Variants in EFHC1 observed in about 807,000 individuals in gnomAD.
EFHC1 encodes the protein EF-hand domain containing 1.
A neutral mutation model predicts 69.9 loss-of-function variants in EFHC1; 53 were observed. The ratio of observed to expected loss-of-function variants is 0.76; its 90% confidence interval spans 0.61 to 0.95. The LOEUF (loss-of-function observed/expected upper bound fraction) is 0.95. EFHC1 is among the 40% of genes least tolerant of loss of function. The pLI is 0.00. For missense variants in EFHC1, 739 were observed against 798.7 expected (o/e 0.93, Z 0.90); for synonymous variants, 256 against 278.4 (o/e 0.92, Z 0.80).
At chr6:52,421,470 AT>A (rs1392540036) in intron 1 of EFHC1, among the ~76,000 whole-genome samples, 1 of 151,866 alleles carries the variant, frequency 6.6e-6, no homozygotes, top group East Asian at 1.9e-4. Context: ...AGCTCTTAAA[AT>A]TATTTGGTTT....
At chr6:52,453,560 A>G (rs1205085931) in intron 4 of EFHC1, 3 of 1,281,290 alleles carry the variant, frequency 2.3e-6, no homozygotes, top group Non-Finnish European at 3.0e-6. Context: ...TATCAGTCAT[A>G]TATCTGTTAT....
At chr6:52,483,740 C>T (rs1376254487) in intron 9 of EFHC1, 5 of 152,128 alleles carry the variant, frequency 3.3e-5, no homozygotes, top group East Asian at 1.9e-4. Context: ...GTGTCTGAGC[C>T]GAGCCTCCAG....
intron 2 of EFHC1, among the ~76,000 whole-genome samples, chr6:52,429,174 C>T (rs11759208): frequency 0.14 from 21,035 of 152,050 alleles, 1,814 homozygotes; most frequent in East Asian, 0.45. Flanking sequence ...TTCCTTTTGC[C>T]GTGAAAAAGC....
Position 52,495,292 on chromosome 6 carries a change from G to A in EFHC1, c.*2951G>A, listed in dbSNP as rs1581859098. 2.2e-6 allele frequency: 1 copy of A among 454,088 alleles called. No homozygotes were observed. The highest frequency in any genetic ancestry group is 2.0e-5 in the African/African-American group (1 of 50,114). 28.1% of individuals were successfully genotyped at this position (454,088 alleles called of 1,614,324 possible). ...TATGCTCTCCAAACTCCAGGGGACA[G>A]ACACATGTCAAACCCTGAGTCTTTT... On this transcript the variant is annotated 3_prime_UTR_variant, in exon 11 of 11. Transcript: ENST00000371068.
At chr6:52,472,933 T>C (rs556717249) in intron 7 of EFHC1, among the ~76,000 whole-genome samples, 23 of 152,218 alleles carry the variant, frequency 1.5e-4, no homozygotes, top group Non-Finnish European at 2.9e-5. Flanking sequence ...ATATACCATG[T>C]TCATTGGCTA....
Position 52,459,421 on chromosome 6 carries a change from A to G in EFHC1, c.916+5134A>G, listed in dbSNP as rs559940679. On this transcript the variant is annotated intron_variant, in intron 5 of 10. Transcript: ENST00000371068. ...AAAGGATTAGAATAGATACCTCACCAAAAGCATGCATGTATGACAAGTTAG... is the reference window on the plus strand; with the variant it reads ...AAAGGATTAGAATAGATACCTCACCGAAAGCATGCATGTATGACAAGTTAG... Among the ~76,000 whole-genome samples the G allele has an allele frequency of 2.0e-5, 3 of 152,342 alleles. No individual in the cohort carries two copies. The South Asian group carries it at 6.2e-4, about 32-fold the overall frequency.
chr6:52,438,044 T>A (rs61601675), intron 2 of EFHC1, among the ~76,000 whole-genome samples: 2,375 of 152,326 alleles, frequency 0.016, 30 homozygotes, highest in African/African-American at 0.039. Flanking sequence ...AAACATTTTT[T>A]AAAATTTTTT....
chr6:52,484,043 T>C (rs1304337806), intron 9 of EFHC1: 1 of 152,292 alleles, frequency 6.6e-6, no homozygotes, highest in Non-Finnish European at 1.5e-5. Flanking sequence ...TTTTTGCTTT[T>C]GTTTTTACAT....
At chr6:52,478,999 T>A in intron 7 of EFHC1, 38 bp from the exon 8 acceptor site, 1 of 1,599,300 alleles carries the variant, frequency 6.3e-7, no homozygotes, top group Non-Finnish European at 8.5e-7. Context: ...GCATAGACCA[T>A]GAACCTTCAT....
At chr6:52,487,303 C>T (rs991523612) in intron 9 of EFHC1, 5 of 152,164 alleles carry the variant, frequency 3.3e-5, no homozygotes, top group African/African-American at 7.2e-5. Context: ...GAAATCCTCT[C>T]TTGAGTTCTG....
chr6:52,492,212 T>C lies in EFHC1; in HGVS notation c.1852-58T>C, dbSNP rs139640221. The stretch of plus-strand genomic sequence containing the variant: ...CATTATGCATAAGCGCACTCTGCAG[T>C]TGAGCTGACGGAAGCCCTGCAGATC... On this transcript the variant is annotated intron_variant, in intron 10 of 10. Coordinates refer to ENST00000371068, the MANE Select transcript of EFHC1 (RefSeq NM_018100.4). The C allele has an allele frequency of 7.8e-3, 11,511 of 1,484,444 alleles. 72 individuals are homozygous for C. Among genetic ancestry groups the C allele is most frequent in the Middle Eastern group, 0.014 (83 of 5,824 alleles). 92.0% of individuals were successfully genotyped at this position (1,484,444 alleles called of 1,614,324 possible). A position where few individuals can be genotyped will look rare whatever the true frequency, so the allele number is the denominator to read the frequency against.
intron 5 of EFHC1, among the ~76,000 whole-genome samples, chr6:52,462,885 C>CA (rs777016070): frequency 0.022 from 1,864 of 85,110 alleles, 36 homozygotes; most frequent in African/African-American, 0.048. Context: ...AAGACTGTCT[C>CA]AAAAAAAAAA....
At position 52,479,047 on chromosome 6, in the gene EFHC1, T is replaced by A; in HGVS notation, c.1289T>A (p.Ile430Asn). 1.2e-6 allele frequency: 2 copies of A among 1,613,698 alleles called. No homozygotes were observed. Residue 430 changes from isoleucine to asparagine, a missense_variant, in exon 8 of 11, where the codon ATC becomes AAC. Ile to Asn is a moderately radical substitution (Grantham distance 149). Transcript: ENST00000371068. ...LRYLAVLESP[I>N]PEDKDRRFVF... ...TCTTCACCTTTGTAGGAATCCCCCA[T>A]CCCAGAAGACAAAGACCGCAGATTT...
In EFHC1 at chr6:52,479,175, G is replaced by T; in HGVS notation, c.1417G>T (p.Val473Phe). The T allele has an allele frequency of 6.2e-7, 1 of 1,614,150 alleles. No homozygotes were observed. Among genetic ancestry groups the T allele is most frequent in the Non-Finnish European group, 8.5e-7 (1 of 1,180,016 alleles). The change falls in exon 8 of 11, where the codon GTT becomes TTT. Residue 473 changes from valine (V) to phenylalanine (F), a missense_variant. Transcript: ENST00000371068. Reference protein sequence around the residue: ...GGKYLGRTKVVKPYSTVDNPV... With the variant: ...GGKYLGRTKVFKPYSTVDNPV... ...CAAGTACCTTGGCAGGACTAAAGTT[G>T]TTAAACCATACTCTACAGTGGACAA...
rs190786293 is a variant in EFHC1, at chr6:52,445,068, T to G, written c.573+6477T>G. 7.4e-4 allele frequency among the ~76,000 whole-genome samples: 112 copies of G among 150,918 alleles called. 2 individuals carry two copies. In the East Asian group the frequency reaches 0.019, roughly 26 times the overall value. On this transcript the variant is annotated intron_variant, in intron 3 of 10. Transcript: ENST00000371068. Reference sequence around the variant, plus strand: ...TCCATTTCCTCTAGATTTTCCAGTTTTTTTTTTTTTTGGTGTAGAGGTGTT... The same window carrying G: ...TCCATTTCCTCTAGATTTTCCAGTTGTTTTTTTTTTTGGTGTAGAGGTGTT...
chr6:52,422,833 A>T (rs948184324), intron 1 of EFHC1, among the ~76,000 whole-genome samples: 3 of 152,208 alleles, frequency 2.0e-5, no homozygotes, highest in African/African-American at 7.2e-5. Context: ...CTTCATGCAC[A>T]TATTTCCATG....
rs1554262438 is a variant in EFHC1 at position 52,493,362 on chromosome 6, C to CTATA, written c.*1023_*1024insTATA. On this transcript the variant is annotated 3_prime_UTR_variant, in exon 11 of 11. Coordinates refer to ENST00000371068, the MANE Select transcript of EFHC1 (RefSeq NM_018100.4). Reference sequence around the variant, plus strand: ...CTTATAACTCTCTCTTTCTCTCTCTCTACATATATATATATATATATATTT... The same window carrying CTATA: ...CTTATAACTCTCTCTTTCTCTCTCTCTATATACATATATATATATATATATATTT... 2 of 171,942 alleles carry CTATA rather than the reference C, an allele frequency of 1.2e-5. No homozygotes were observed. The highest frequency in any genetic ancestry group is 4.1e-5 in the South Asian group (1 of 24,592). The allele number at this position is 171,942 out of a possible 1,614,324, so 10.7% of individuals were successfully genotyped here.
At chr6:52,465,772 A>C (rs963213780) in intron 6 of EFHC1, among the ~76,000 whole-genome samples, 1 of 150,468 alleles carries the variant, frequency 6.6e-6, no homozygotes, top group Non-Finnish European at 1.5e-5. Context: ...ATGCCATTGC[A>C]CTCCAGCCTG....
chr6:52,453,764 T>G, intron 4 of EFHC1: 1 of 1,246,004 alleles, frequency 8.0e-7, no homozygotes, highest in African/African-American at 1.6e-5. Flanking sequence ...TTTATTAATA[T>G]ATATATACCA....
Sources: gnomAD v4.1 joint callset for allele counts (sites outside exome capture counted in the v4.1 genomes callset) on GRCh38, gnomAD v4.1.1 for gene constraint, MANE v1.5 for transcripts, NCBI Gene and HGNC (gene_info 2026-07-23, HGNC 2026-07-21) for gene names.